The following NALCN variants were observed in gnomAD, a reference collection of about 807,000 sequenced individuals.
NALCN encodes the protein sodium leak channel, non-selective.
A neutral mutation model predicts 225.3 loss-of-function variants in NALCN; 111 were observed. That is an observed-to-expected ratio of 0.49 (90% CI 0.42 to 0.58). NALCN has a LOEUF of 0.58. Ranked by LOEUF, NALCN falls within the 20% of genes least tolerant of loss-of-function variation. The probability of loss-of-function intolerance (pLI) is 0.00; values close to 1 mark genes in which losing one functional copy is unlikely to be tolerated. For synonymous variants in NALCN, 764 were observed against 769.0 expected (o/e 0.99, Z 0.11); for missense variants, 1,378 against 2,202.4 (o/e 0.63, Z 7.49).
At chr13:101,322,492 T>C (rs773221970) in intron 7 of NALCN, among the ~76,000 whole-genome samples, 15 of 152,206 alleles carry the variant, frequency 9.9e-5, no homozygotes, top group Non-Finnish European at 7.4e-5. Context: ...GTTTATTAAT[T>C]CAATATTTTT....
intron 14 of NALCN, among the ~76,000 whole-genome samples, chr13:101,181,995 G>T (rs953221688): frequency 1.3e-5 from 2 of 151,802 alleles, no homozygotes; most frequent in African/African-American, 4.8e-5. Context: ...TTAGCCGGGC[G>T]TGGTGGCGGG....
At chr13:101,119,943 A>G (rs1388242577) in intron 18 of NALCN, among the ~76,000 whole-genome samples, 2 of 152,144 alleles carry the variant, frequency 1.3e-5, no homozygotes, top group East Asian at 1.9e-4. Context: ...TTTTCTCATC[A>G]AAGAGTTCTC....
chr13:101,154,402 A>G (rs1460461197), intron 15 of NALCN, among the ~76,000 whole-genome samples: 1 of 152,088 alleles, frequency 6.6e-6, no homozygotes, highest in Non-Finnish European at 1.5e-5. Flanking sequence ...TATATGGGAT[A>G]TTTTCTCTCG....
At chr13:101,314,942 G>C (rs575164978) in intron 7 of NALCN, among the ~76,000 whole-genome samples, 1 of 152,224 alleles carries the variant, frequency 6.6e-6, no homozygotes, top group East Asian at 1.9e-4. Context: ...GGACAATGCT[G>C]GCGAGATACT....
chr13:101,229,360 G>T (rs2041260811), intron 13 of NALCN, 33 bp downstream of exon 13: 3 of 1,485,154 alleles, frequency 2.0e-6, no homozygotes, highest in Admixed American at 2.4e-5. Flanking sequence ...TAAGAACAAT[G>T]AATTTAACTT....
chr13:101,070,191 C>T (rs1410587069), intron 37 of NALCN, among the ~76,000 whole-genome samples: 10 of 151,562 alleles, frequency 6.6e-5, no homozygotes, highest in African/African-American at 2.2e-4. Context: ...CTCAGCCTCC[C>T]GAGTAGCTGA....
At chr13:101,353,160 T>TAGACAC (rs1373643190) in intron 6 of NALCN, among the ~76,000 whole-genome samples, 1 of 152,184 alleles carries the variant, frequency 6.6e-6, no homozygotes, top group African/African-American at 2.4e-5. Flanking sequence ...CAATCATACA[T>TAGACAC]AGACACAGAC....
At chr13:101,341,269 C>T (rs1408648701) in intron 7 of NALCN, among the ~76,000 whole-genome samples, 3 of 152,162 alleles carry the variant, frequency 2.0e-5, no homozygotes, top group Non-Finnish European at 4.4e-5. Context: ...AATATAGTCT[C>T]TATGTTCCTG....
At chr13:101,090,231 A>G (rs926106037) in intron 28 of NALCN, among the ~76,000 whole-genome samples, 1 of 152,190 alleles carries the variant, frequency 6.6e-6, no homozygotes, top group Non-Finnish European at 1.5e-5. Context: ...TCATTAGGTA[A>G]TGATGGGGTG....
chr13:101,172,494 C>T (rs1358595479), intron 15 of NALCN, among the ~76,000 whole-genome samples: 1 of 152,216 alleles, frequency 6.6e-6, no homozygotes, highest in Non-Finnish European at 1.5e-5. Flanking sequence ...CTCCTCTCCC[C>T]TGTATGAGGG....
intron 34 of NALCN, among the ~76,000 whole-genome samples, chr13:101,080,009 C>T (rs997839291): frequency 4.6e-5 from 7 of 152,050 alleles, no homozygotes; most frequent in Non-Finnish European, 7.4e-5. Flanking sequence ...TCAAGTATGA[C>T]TAACAAAAAG....
At chr13:101,140,413 A>T (rs754923853) in intron 17 of NALCN, among the ~76,000 whole-genome samples, 1 of 152,184 alleles carries the variant, frequency 6.6e-6, no homozygotes, top group Admixed American at 6.5e-5. Context: ...AAATAAACTC[A>T]TATTTCAATT....
rs2044265978 is a variant in NALCN, at chr13:101,309,494, C to G, written c.800-17128G>C. ...GGGATACATTTCCTCATCTGTCAATCAAAGCATGCTCATTGGCCACTTCAG... is the reference window on the plus strand; with the variant it reads ...GGGATACATTTCCTCATCTGTCAATGAAAGCATGCTCATTGGCCACTTCAG... On this transcript the variant is annotated intron_variant, in intron 7 of 43. Coordinates refer to ENST00000251127, the MANE Select transcript of NALCN (RefSeq NM_052867.4). Among the ~76,000 whole-genome samples, 3 of 152,186 alleles carry G rather than the reference C, an allele frequency of 2.0e-5. No individual in the cohort carries two copies. In the South Asian group the frequency reaches 6.2e-4, roughly 32 times the overall value.
chr13:101,238,028 T>A, intron 11 of NALCN, 106 bp from the exon 12 acceptor site: 1 of 893,286 alleles, frequency 1.1e-6, no homozygotes, highest in Non-Finnish European at 1.7e-6. Context: ...TCATATACAC[T>A]AAGGTGCCCC....
At chr13:101,244,292 A>G (rs1053862996) in intron 11 of NALCN, among the ~76,000 whole-genome samples, 4 of 152,178 alleles carry the variant, frequency 2.6e-5, no homozygotes, top group African/African-American at 9.7e-5. Flanking sequence ...TAATCACCTT[A>G]CTAACTGCAT....
chr13:101,412,982 G>C (rs1484420063), intron 1 of NALCN, among the ~76,000 whole-genome samples: 1 of 152,060 alleles, frequency 6.6e-6, no homozygotes, highest in Non-Finnish European at 1.5e-5. Context: ...TTAGCATCTG[G>C]TTTTCAGGTG....
At chr13:101,349,639 T>TA (rs1408344108) in intron 6 of NALCN, among the ~76,000 whole-genome samples, 1 of 62,878 alleles carries the variant, frequency 1.6e-5, no homozygotes, top group East Asian at 5.1e-4. Flanking sequence ...GCCATTCTGC[T>TA]TTTCCATCTC....
chr13:101,400,544 AGTGTGTGTGTGTGTGT>A (rs376844190), intron 1 of NALCN, among the ~76,000 whole-genome samples: 6 of 135,150 alleles, frequency 4.4e-5, no homozygotes, highest in Admixed American at 1.5e-4. Context: ...ACATGTTTGC[AGTGTGTGTGTGTGTGT>A]GTGTGTGTGT....
intron 1 of NALCN, among the ~76,000 whole-genome samples, chr13:101,415,873 G>A (rs376154887): frequency 0.011 from 1,607 of 152,174 alleles, 37 homozygotes; most frequent in African/African-American, 0.037. Flanking sequence ...TGCCGAGGGG[G>A]CAGGTGCAGC....
Sources: gnomAD v4.1 joint callset for allele counts (sites outside exome capture counted in the v4.1 genomes callset) on GRCh38, gnomAD v4.1.1 for gene constraint, MANE v1.5 for transcripts, NCBI Gene and HGNC (gene_info 2026-07-23, HGNC 2026-07-21) for gene names.